PLCL2: variants seen among roughly 807,000 people sequenced by gnomAD.
The protein encoded by PLCL2 is phospholipase C like 2, also known as inactive phospholipase C-like protein 2.
In PLCL2, 4 loss-of-function variants were observed where a neutral mutation model predicts 79.6. The ratio of observed to expected loss-of-function variants is 0.05; its 90% CI spans 0.02 to 0.11. The LOEUF (loss-of-function observed/expected upper bound fraction) is 0.11, where lower values mean the gene tolerates loss of function less well. PLCL2 is among the 10% of genes least tolerant of loss of function. The pLI, the probability that PLCL2 is intolerant of heterozygous loss-of-function variation, is 1.00. For missense variants in PLCL2, 895 were observed against 1,291.0 expected (o/e 0.69, Z 4.70); for synonymous variants, 484 against 457.7 (o/e 1.06, Z -0.73).
chr3:16,901,685 G>A (rs1362297756), intron 1 of PLCL2, among the ~76,000 whole-genome samples: 3 of 152,114 alleles, frequency 2.0e-5, no homozygotes, highest in African/African-American at 7.2e-5. Flanking sequence ...TTCTCTGTCT[G>A]TGCCGTGTTT....
chr3:16,890,482 G>A (rs1696320353), intron 1 of PLCL2, among the ~76,000 whole-genome samples: 1 of 152,064 alleles, frequency 6.6e-6, no homozygotes, highest in East Asian at 1.9e-4. Context: ...CAACAAAATA[G>A]GGCAACATTA....
intron 1 of PLCL2, among the ~76,000 whole-genome samples, chr3:16,962,253 A>C (rs2063762120): frequency 6.6e-6 from 1 of 152,226 alleles, no homozygotes; most frequent in Admixed American, 6.5e-5. Context: ...CAGTTGATTT[A>C]GTATGAAATG....
intron 4 of PLCL2, among the ~76,000 whole-genome samples, chr3:17,067,244 C>T (rs2065019142): frequency 6.6e-6 from 1 of 151,956 alleles, no homozygotes; most frequent in Non-Finnish European, 1.5e-5. Flanking sequence ...AGCGGTCTTA[C>T]TATTAGAGTT....
At chr3:16,943,973 T>C (rs1293509144) in intron 1 of PLCL2, among the ~76,000 whole-genome samples, 1 of 152,176 alleles carries the variant, frequency 6.6e-6, no homozygotes, top group Non-Finnish European at 1.5e-5. Context: ...TTATTACATA[T>C]GGTTTCATGC....
At chr3:16,895,622 G>A (rs1294635334) in intron 1 of PLCL2, among the ~76,000 whole-genome samples, 1 of 152,092 alleles carries the variant, frequency 6.6e-6, no homozygotes, top group Non-Finnish European at 1.5e-5. Context: ...TACCTAACAG[G>A]AGTTACTCCA....
chr3:17,089,601 G>A, intron 5 of PLCL2, 132 bp from the exon 6 acceptor site: 1 of 636,024 alleles, frequency 1.6e-6, no homozygotes, highest in South Asian at 2.2e-5. Context: ...TTCAGATGCA[G>A]TGCCAATAAG....
chr3:16,970,059 T>TA (rs2063843988), intron 1 of PLCL2, among the ~76,000 whole-genome samples: 1 of 106,546 alleles, frequency 9.4e-6, no homozygotes, highest in Non-Finnish European at 1.9e-5. Flanking sequence ...TATATATATA[T>TA]TTTATTTTAT....
chr3:16,915,705 A>G (rs1484652934), intron 1 of PLCL2, among the ~76,000 whole-genome samples: 1 of 152,126 alleles, frequency 6.6e-6, no homozygotes, highest in Non-Finnish European at 1.5e-5. Flanking sequence ...AAATTCATCA[A>G]CTGAACTATG....
At chr3:17,017,378 AAAATT>A (rs1217230339) in intron 3 of PLCL2, among the ~76,000 whole-genome samples, 1 of 152,226 alleles carries the variant, frequency 6.6e-6, no homozygotes, top group African/African-American at 2.4e-5. Flanking sequence ...TAAAATATTT[AAAATT>A]AAATTTAAAT....
At chr3:17,016,387 G>T (rs1454279959) in intron 3 of PLCL2, among the ~76,000 whole-genome samples, 1 of 152,160 alleles carries the variant, frequency 6.6e-6, no homozygotes, top group African/African-American at 2.4e-5. Flanking sequence ...TAGCATTCAT[G>T]GTAACCTTAA....
chr3:17,023,498 G>T (rs1194297398), intron 3 of PLCL2, among the ~76,000 whole-genome samples: 7 of 152,148 alleles, frequency 4.6e-5, no homozygotes, highest in Non-Finnish European at 7.4e-5. Context: ...CATGAAACCT[G>T]ATGGGTTTAT....
At chr3:17,054,156 A>C (rs998530458) in intron 4 of PLCL2, among the ~76,000 whole-genome samples, 1 of 152,118 alleles carries the variant, frequency 6.6e-6, no homozygotes, top group African/African-American at 2.4e-5. Flanking sequence ...CTTCTGCCAG[A>C]TATCCTAAAT....
intron 1 of PLCL2, among the ~76,000 whole-genome samples, chr3:16,946,895 T>G (rs2063605406): frequency 6.6e-6 from 1 of 151,500 alleles, no homozygotes; most frequent in African/African-American, 2.4e-5. Context: ...GAGCTTTTCT[T>G]TTATATTAGT....
rs143438528 is a variant in PLCL2, at chr3:17,022,916, G to A, written c.3018+8005G>A. ...ATCTATTGCATTCATTACGTTATTC[G>A]TTTTGGACTGTAAATGCTAAGCTCT... is the stretch of plus-strand genomic sequence containing the variant. On this transcript the variant is annotated intron_variant, in intron 3 of 5. Coordinates refer to ENST00000615277, the MANE Select transcript of PLCL2 (RefSeq NM_001144382.2). 4.5e-4 allele frequency among the ~76,000 whole-genome samples: 69 copies of A among 152,256 alleles called. 1 individual carries two copies. The highest frequency in any genetic ancestry group is 3.4e-3 in the Middle Eastern group (1 of 294).
chr3:16,981,130 G>T (rs1057217511), intron 1 of PLCL2, among the ~76,000 whole-genome samples: 36 of 140,684 alleles, frequency 2.6e-4, no homozygotes, highest in African/African-American at 9.6e-4. Context: ...ACCGTGGAAA[G>T]AGAGGGAGAG....
intron 1 of PLCL2, among the ~76,000 whole-genome samples, chr3:16,929,866 G>A (rs1016744809): frequency 3.3e-5 from 5 of 152,168 alleles, no homozygotes; most frequent in Non-Finnish European, 7.4e-5. Context: ...GTGCTAATTG[G>A]TAGCCCTGAG....
Position 17,049,865 on chromosome 3 carries a change from G to C in PLCL2, c.3094+6916G>C, listed in dbSNP as rs574561678. On this transcript the variant is annotated intron_variant, in intron 4 of 5. Coordinates refer to ENST00000615277, the MANE Select transcript of PLCL2 (RefSeq NM_001144382.2). ...TTTATATGGAACCCCTAAAGACCCA[G>C]AATATTCAAAGCTATCTGGAGCAAA... Among the ~76,000 whole-genome samples the C allele has an allele frequency of 4.6e-5, 7 of 151,868 alleles. No individual in the cohort carries two copies. The South Asian group carries it at 8.3e-4, about 18-fold the overall frequency.
intron 1 of PLCL2, among the ~76,000 whole-genome samples, chr3:16,895,845 G>A (rs1696467270): frequency 6.6e-6 from 1 of 152,172 alleles, no homozygotes; most frequent in Non-Finnish European, 1.5e-5. Context: ...AAATAAACCA[G>A]CCACAAAAGA....
At position 17,048,570 on chromosome 3, in the gene PLCL2, GA is replaced by G. The variant is rs550205020; in HGVS notation, c.3094+5626del. ...CATACATGACGTCTTTCACAGTTAA[GA>G]AAAATGTAAACAATGTAAGATGCAC... On this transcript the variant is annotated intron_variant, in intron 4 of 5. Coordinates refer to ENST00000615277, the MANE Select transcript of PLCL2 (RefSeq NM_001144382.2). 1.5e-3 allele frequency among the ~76,000 whole-genome samples: 225 copies of G among 152,246 alleles called. 1 individual carries two copies. Among genetic ancestry groups the G allele is most frequent in the Admixed American group, 4.3e-3 (65 of 15,282 alleles).
Sources: allele counts gnomAD v4.1 joint callset (sites outside exome capture counted in the v4.1 genomes callset), GRCh38; gene constraint gnomAD v4.1.1; transcripts MANE v1.5; gene names NCBI Gene and HGNC (gene_info 2026-07-23, HGNC 2026-07-21).